GALNT13: variants seen among roughly 807,000 people sequenced by gnomAD.
The protein encoded by GALNT13 is polypeptide N-acetylgalactosaminyltransferase 13, also known as UDP-GalNAc:polypeptide N-acetylgalactosaminyltransferase 13.
In GALNT13, 28 loss-of-function variants were observed where a neutral mutation model predicts 64.2. That is an observed-to-expected ratio of 0.44 (90% CI 0.32 to 0.60). The LOEUF (loss-of-function observed/expected upper bound fraction) is 0.60, where lower values mean the gene tolerates loss of function less well. Ranked by LOEUF, GALNT13 falls within the 20% of genes least tolerant of loss-of-function variation. The pLI, the probability that GALNT13 is intolerant of heterozygous loss-of-function variation, is 0.05. For synonymous variants in GALNT13, 214 were observed against 224.6 expected, an observed-to-expected ratio of 0.95 and a Z score of 0.42; for missense variants, 577 against 669.8, an observed-to-expected ratio of 0.86 and a Z score of 1.53.
upstream of GALNT13, among the ~76,000 whole-genome samples, chr2:153,871,276 G>C (rs984101590): frequency 2.4e-4 from 37 of 152,304 alleles, no homozygotes; most frequent in African/African-American, 8.2e-4. Context: ...AGAGCCACAA[G>C]GAAGCGCTCT....
chr2:153,175,195 CT>C, the GALNT13 span, among the ~76,000 whole-genome samples: 1 of 152,104 alleles, frequency 6.6e-6, no homozygotes, highest in African/African-American at 2.4e-5. Context: ...CATTCCTTTA[CT>C]AAAATAGAGT....
At chr2:153,981,919 T>A (rs1158047822) in intron 3 of GALNT13, among the ~76,000 whole-genome samples, 9 of 152,048 alleles carry the variant, frequency 5.9e-5, no homozygotes, top group Admixed American at 5.9e-4. Flanking sequence ...ATTAATTTAC[T>A]ATATATATTA....
At chr2:153,756,069 A>G in the GALNT13 span, among the ~76,000 whole-genome samples, 3 of 152,152 alleles carry the variant, frequency 2.0e-5, no homozygotes, top group Non-Finnish European at 4.4e-5. Flanking sequence ...ATAAGATTAT[A>G]TAGTATATTT....
chr2:154,302,989 G>A (rs1245923615), intron 9 of GALNT13, among the ~76,000 whole-genome samples: 2 of 152,106 alleles, frequency 1.3e-5, no homozygotes, highest in African/African-American at 4.8e-5. Context: ...GGGCCATTTC[G>A]AAATATGGCA....
chr2:153,737,385 G>GT, the GALNT13 span, among the ~76,000 whole-genome samples: 6 of 150,144 alleles, frequency 4.0e-5, no homozygotes, highest in Admixed American at 1.3e-4. Flanking sequence ...TGGAATTGTG[G>GT]TTTTTTTTCA....
chr2:154,417,506 T>TTTATTTATTTATTTAC (rs1700067089), intron 11 of GALNT13, among the ~76,000 whole-genome samples: 1 of 138,748 alleles, frequency 7.2e-6, no homozygotes, highest in Non-Finnish European at 1.5e-5. Context: ...TATTTATTTA[T>TTTATTTATTTATTTAC]TTATTTATTT....
At chr2:154,386,568 A>G (rs1426991330) in intron 9 of GALNT13, among the ~76,000 whole-genome samples, 2 of 152,090 alleles carry the variant, frequency 1.3e-5, no homozygotes, top group African/African-American at 4.8e-5. Context: ...CTGTGGGACA[A>G]TTGGACCAGT....
the GALNT13 span, among the ~76,000 whole-genome samples, chr2:153,580,284 T>C: frequency 6.6e-6 from 1 of 151,992 alleles, no homozygotes. Flanking sequence ...TTCATGGTTA[T>C]AGAGCAATTT....
chr2:153,201,999 A>T, the GALNT13 span, among the ~76,000 whole-genome samples: 2 of 109,772 alleles, frequency 1.8e-5, no homozygotes, highest in African/African-American at 3.6e-5. Flanking sequence ...TTTTTTTGAG[A>T]CGGAGTTTCG....
intron 4 of GALNT13, among the ~76,000 whole-genome samples, chr2:154,159,675 A>C (rs1281137503): frequency 6.6e-6 from 1 of 152,118 alleles, no homozygotes; most frequent in African/African-American, 2.4e-5. Context: ...GTGTTTTTTT[A>C]ATCTATTTTT....
chr2:154,427,530 A>G (rs1232065658), intron 11 of GALNT13, among the ~76,000 whole-genome samples: 1 of 152,222 alleles, frequency 6.6e-6, no homozygotes, highest in Non-Finnish European at 1.5e-5. Flanking sequence ...TGCTGAGTGC[A>G]AATTAAGCAT....
intron 3 of GALNT13, among the ~76,000 whole-genome samples, chr2:154,062,119 CTT>C (rs1700218470): frequency 6.6e-6 from 1 of 152,106 alleles, no homozygotes; most frequent in African/African-American, 2.4e-5. Context: ...TATTTTCTCT[CTT>C]TGCCTAACAG....
intron 8 of GALNT13, among the ~76,000 whole-genome samples, chr2:154,290,465 G>C (rs1223671537): frequency 6.6e-6 from 1 of 152,220 alleles, no homozygotes; most frequent in Non-Finnish European, 1.5e-5. Context: ...GAGCAAGCCA[G>C]AGAAGAATGT....
chr2:153,095,310 A>C, the GALNT13 span, among the ~76,000 whole-genome samples: 3 of 152,266 alleles, frequency 2.0e-5, no homozygotes, highest in Non-Finnish European at 4.4e-5. Flanking sequence ...ACTGGCCATC[A>C]GAGAAATGCA....
chr2:153,745,968 T>C, the GALNT13 span, among the ~76,000 whole-genome samples: 1 of 152,222 alleles, frequency 6.6e-6, no homozygotes, highest in Non-Finnish European at 1.5e-5. Context: ...AACTGCTACT[T>C]ATGATACCTG....
At chr2:154,324,948 A>G (rs1412628881) in intron 9 of GALNT13, among the ~76,000 whole-genome samples, 2 of 152,050 alleles carry the variant, frequency 1.3e-5, no homozygotes, top group Non-Finnish European at 2.9e-5. Flanking sequence ...TATTTGTAAG[A>G]TGTCTCACCC....
At chr2:153,597,817 G>A in the GALNT13 span, among the ~76,000 whole-genome samples, 130 of 151,948 alleles carry the variant, frequency 8.6e-4, no homozygotes, top group African/African-American at 3.0e-3. Context: ...AAAAAGTAAT[G>A]GCCAATAGGC....
intron 3 of GALNT13, among the ~76,000 whole-genome samples, chr2:154,115,128 A>T (rs1327248194): frequency 2.0e-5 from 3 of 152,174 alleles, no homozygotes; most frequent in Admixed American, 2.0e-4. Context: ...GTCTAAAGTG[A>T]CTAACCCACT....
intron 3 of GALNT13, among the ~76,000 whole-genome samples, chr2:154,026,160 C>G (rs1697948979): frequency 6.6e-6 from 1 of 152,108 alleles, no homozygotes; most frequent in African/African-American, 2.4e-5. Context: ...AGTGAGAAAT[C>G]TACTGGAAGA....
Sources: gnomAD v4.1 joint callset for allele counts (sites outside exome capture counted in the v4.1 genomes callset) on GRCh38, gnomAD v4.1.1 for gene constraint, MANE v1.5 for transcripts, NCBI Gene and HGNC (gene_info 2026-07-23, HGNC 2026-07-21) for gene names.